Variants in FOXP1 observed in about 807,000 individuals in gnomAD.
FOXP1 encodes forkhead box P1, also known as forkhead box protein P1.
Under a neutral mutation model 98.2 loss-of-function variants are expected in FOXP1, and 15 were observed. That is an observed-to-expected ratio of 0.15 (90% CI 0.10 to 0.24). The LOEUF (loss-of-function observed/expected upper bound fraction) is 0.24, where lower values mean the gene tolerates loss of function less well. Among genes scored for constraint, FOXP1 ranks in the 10% least tolerant of loss-of-function variants. FOXP1 has a pLI of 1.00. For synonymous variants in FOXP1, 371 were observed against 314.5 expected (o/e 1.18, Z -1.90); for missense variants, 633 against 848.5 (o/e 0.75, Z 3.15).
At chr3:71,160,448 A>T (rs1251706624) in intron 6 of FOXP1, among the ~76,000 whole-genome samples, 1 of 152,232 alleles carries the variant, frequency 6.6e-6, no homozygotes, top group African/African-American at 2.4e-5. Context: ...AGTGATCCTG[A>T]AGAGCAAATG....
In FOXP1 at chr3:71,006,183, C is replaced by A. The variant is rs143773844; in HGVS notation, c.975-5124G>T. Among the ~76,000 whole-genome samples, 38 of 152,070 alleles carry A rather than the reference C, an allele frequency of 2.5e-4. No individual in the cohort carries two copies. The South Asian group carries it at 7.5e-3, about 30-fold the overall frequency. On this transcript the variant is annotated intron_variant, in intron 12 of 20. Coordinates refer to ENST00000649528, the MANE Select transcript of FOXP1 (RefSeq NM_001349338.3). Reference sequence around the variant, plus strand: ...GGTTTTTAGGTCACTGGGTTTTGAACGTAATGCCAAATGAGAATCTCGCTA... The same window carrying A: ...GGTTTTTAGGTCACTGGGTTTTGAAAGTAATGCCAAATGAGAATCTCGCTA...
rs879614894 is a variant in FOXP1, at chr3:71,419,441, GA to G, written c.-167-60198del. On this transcript the variant is annotated intron_variant, in intron 3 of 20. Transcript: ENST00000649528. ...CTAATCTTTGTAGAAGAACTACAAA[GA>G]AAAAAAAAAAGTAGATGTTTACAGA... Among the ~76,000 whole-genome samples the G allele has an allele frequency of 5.6e-3, 815 of 144,986 alleles. 10 individuals are homozygous for G. The highest frequency in any genetic ancestry group is 0.019 in the African/African-American group (739 of 39,600).
chr3:71,537,251 A>G (rs893597103), intron 2 of FOXP1, among the ~76,000 whole-genome samples: 2 of 152,198 alleles, frequency 1.3e-5, no homozygotes, highest in Admixed American at 6.5e-5. Context: ...AGCAAGGCGA[A>G]CTCAGTTCCA....
intron 6 of FOXP1, among the ~76,000 whole-genome samples, chr3:71,147,251 C>T (rs779838143): frequency 9.9e-5 from 15 of 152,196 alleles, no homozygotes; most frequent in Non-Finnish European, 1.8e-4. Context: ...TGAAAATGCA[C>T]ATCAGGTCAT....
chr3:71,385,118 A>AG (rs2080469231), intron 3 of FOXP1, among the ~76,000 whole-genome samples: 1 of 152,156 alleles, frequency 6.6e-6, no homozygotes, highest in African/African-American at 2.4e-5. Context: ...AAAAAAAAAA[A>AG]AAAATCCTAA....
intron 2 of FOXP1, among the ~76,000 whole-genome samples, chr3:71,533,770 T>A (rs755657369): frequency 2.6e-4 from 40 of 152,340 alleles, no homozygotes; most frequent in Non-Finnish European, 4.7e-4. Flanking sequence ...GTTGAATGAA[T>A]AATTAAAGTC....
intron 3 of FOXP1, among the ~76,000 whole-genome samples, chr3:71,473,873 G>A (rs1046472214): frequency 5.3e-5 from 8 of 152,114 alleles, no homozygotes; most frequent in African/African-American, 9.7e-5. Flanking sequence ...TAGTGATGAC[G>A]TCCTCATGGA....
chr3:71,034,581 G>A (rs541894867), intron 11 of FOXP1, among the ~76,000 whole-genome samples: 1 of 152,196 alleles, frequency 6.6e-6, no homozygotes, highest in African/African-American at 2.4e-5. Context: ...AGGAAAATCA[G>A]TATAGTATCA....
At chr3:71,129,573 G>A (rs59616412) in intron 6 of FOXP1, among the ~76,000 whole-genome samples, 3,547 of 151,998 alleles carry the variant, frequency 0.023, 158 homozygotes, top group African/African-American at 0.082. Flanking sequence ...TCTATTCCCT[G>A]ACCACCATAT....
intron 13 of FOXP1, among the ~76,000 whole-genome samples, chr3:70,990,177 C>T (rs955110): frequency 3.9e-4 from 59 of 152,268 alleles, no homozygotes; most frequent in African/African-American, 1.3e-3. Context: ...AAAAATCTAA[C>T]TTTTTGGTTT....
chr3:71,284,867 A>T lies in FOXP1; in HGVS notation c.-12+14953T>A, dbSNP rs553951557. The stretch of plus-strand genomic sequence containing the variant: ...AAAAGAGTAGAAGGAAATATATGTT[A>T]TCATCAGGGTCAGGAGTCTAAATTA... On this transcript the variant is annotated intron_variant, in intron 5 of 20. Coordinates refer to ENST00000649528, the MANE Select transcript of FOXP1 (RefSeq NM_001349338.3). 3.3e-5 allele frequency among the ~76,000 whole-genome samples: 5 copies of T among 152,294 alleles called. No homozygotes were observed. In the South Asian group the frequency reaches 1.0e-3, roughly 32 times the overall value.
chr3:71,537,176 G>A (rs1292966661), intron 2 of FOXP1, among the ~76,000 whole-genome samples: 1 of 152,218 alleles, frequency 6.6e-6, no homozygotes, highest in Non-Finnish European at 1.5e-5. Flanking sequence ...ACTGCAGACG[G>A]TTGAAATGAT....
intron 11 of FOXP1, among the ~76,000 whole-genome samples, chr3:71,018,348 C>G (rs529714783): frequency 1.3e-4 from 20 of 152,168 alleles, no homozygotes; most frequent in Non-Finnish European, 2.4e-4. Context: ...TCGTCACACA[C>G]GGGTACAATT....
intron 3 of FOXP1, among the ~76,000 whole-genome samples, chr3:71,485,329 C>T (rs1294449098): frequency 6.6e-6 from 1 of 152,202 alleles, no homozygotes; most frequent in Non-Finnish European, 1.5e-5. Context: ...ATATCCATCA[C>T]CTAGATTCTA....
At chr3:71,076,460 G>T (rs2053822614) in intron 7 of FOXP1, among the ~76,000 whole-genome samples, 1 of 152,200 alleles carries the variant, frequency 6.6e-6, no homozygotes, top group South Asian at 2.1e-4. Context: ...TTATGCTGAA[G>T]ATGAAAGGAT....
chr3:71,562,691 G>T (rs1442113924), intron 2 of FOXP1, among the ~76,000 whole-genome samples: 2 of 152,130 alleles, frequency 1.3e-5, no homozygotes, highest in East Asian at 1.9e-4. Flanking sequence ...TTGACCCAAG[G>T]TCACCCAAAT....
chr3:71,149,782 T>G (rs983448144), intron 6 of FOXP1, among the ~76,000 whole-genome samples: 1 of 152,194 alleles, frequency 6.6e-6, no homozygotes, highest in Admixed American at 6.5e-5. Context: ...TCAATGCATG[T>G]TTTCATTCTT....
At chr3:71,313,506 T>C (rs1458631899) in intron 4 of FOXP1, among the ~76,000 whole-genome samples, 1 of 152,002 alleles carries the variant, frequency 6.6e-6, no homozygotes, top group Non-Finnish European at 1.5e-5. Flanking sequence ...GCTGAGGTTG[T>C]ACAGATCGAG....
chr3:71,565,269 G>A (rs2046824044), intron 2 of FOXP1, among the ~76,000 whole-genome samples: 1 of 152,140 alleles, frequency 6.6e-6, no homozygotes, highest in South Asian at 2.1e-4. Flanking sequence ...TAACCCACGG[G>A]CAGGCCTTCT....
Sources: allele counts gnomAD v4.1 joint callset (sites outside exome capture counted in the v4.1 genomes callset), GRCh38; gene constraint gnomAD v4.1.1; transcripts MANE v1.5; gene names NCBI Gene and HGNC (gene_info 2026-07-23, HGNC 2026-07-21).